Variants in PCBP3 observed in about 807,000 individuals in gnomAD.
PCBP3 encodes the protein poly(rC)-binding protein 3.
In PCBP3, 25 loss-of-function variants were observed where a neutral mutation model predicts 52.7. The ratio of observed to expected loss-of-function variants is 0.47; its 90% CI spans 0.35 to 0.66. The LOEUF (loss-of-function observed/expected upper bound fraction) is 0.66. Among genes scored for constraint, PCBP3 ranks in the 30% least tolerant of loss-of-function variants. PCBP3 has a pLI of 0.01. For synonymous variants in PCBP3, 162 were observed against 183.0 expected, an observed-to-expected ratio of 0.89 and a Z score of 0.93; for missense variants, 391 against 490.3, an observed-to-expected ratio of 0.80 and a Z score of 1.91.
Position 45,800,796 on chromosome 21 carries a change from C to A in PCBP3, c.-126+45344C>A, listed in dbSNP as rs1301242404. Reference sequence around the variant, plus strand: ...ACCTCGTTTGTGTGGCCCTGGTGCCCAATGACTGACTTTCCTTCTGCTCCC... The same window carrying A: ...ACCTCGTTTGTGTGGCCCTGGTGCCAAATGACTGACTTTCCTTCTGCTCCC... On this transcript the variant is annotated intron_variant, in intron 4 of 17. Coordinates refer to ENST00000681687, the MANE Select transcript of PCBP3 (RefSeq NM_001384156.1). The surrounding 1 kb of genome is among the most constrained non-coding windows in gnomAD (Gnocchi z 5.3). Among the ~76,000 whole-genome samples, 2 of 152,178 alleles carry A rather than the reference C, an allele frequency of 1.3e-5. No homozygotes were observed. Among genetic ancestry groups the A allele is most frequent in the Non-Finnish European group, 2.9e-5 (2 of 68,038 alleles).
intron 5 of PCBP3, among the ~76,000 whole-genome samples, chr21:45,888,418 G>A (rs911614750): frequency 3.3e-5 from 5 of 152,206 alleles, no homozygotes; most frequent in East Asian, 1.9e-4. Context: ...GGTGGGAACC[G>A]GGGCTAGAGC....
At chr21:45,666,733 T>G (rs79580661) in intron 1 of PCBP3, among the ~76,000 whole-genome samples, 12 of 145,622 alleles carry the variant, frequency 8.2e-5, no homozygotes, top group Non-Finnish European at 1.8e-4. Context: ...TATTGAGAAT[T>G]TTTTTTTTTT....
Position 45,853,417 on chromosome 21 carries a change from C to T in PCBP3, c.10+3322C>T, listed in dbSNP as rs2094130968. Among the ~76,000 whole-genome samples the T allele has an allele frequency of 6.6e-6, 1 of 152,158 alleles. No homozygotes were observed. Among genetic ancestry groups the T allele is most frequent in the African/African-American group, 2.4e-5 (1 of 41,424 alleles). On this transcript the variant is annotated intron_variant, in intron 5 of 17. Transcript: ENST00000681687. The surrounding 1 kb of genome is among the most constrained non-coding windows in gnomAD (Gnocchi z 4.6). ...AAAATAATTGGACAAAACACACAAA[C>T]AAAGCAAGGAAAGAATGAAGCAGTG...
intron 4 of PCBP3, among the ~76,000 whole-genome samples, chr21:45,815,118 AGTGG>A (rs2092855825): frequency 1.4e-5 from 1 of 69,584 alleles, no homozygotes; most frequent in African/African-American, 6.3e-5. Flanking sequence ...GTGGTGAGTG[AGTGG>A]TGAGTGGTGA....
At chr21:45,790,519 A>G (rs2091468833) in intron 4 of PCBP3, among the ~76,000 whole-genome samples, 1 of 152,096 alleles carries the variant, frequency 6.6e-6, no homozygotes, top group Admixed American at 6.5e-5. Flanking sequence ...ATGATGTTTT[A>G]TGCCGGAAAT....
At chr21:45,739,045 T>A (rs2086138937) in intron 3 of PCBP3, among the ~76,000 whole-genome samples, 1 of 82,184 alleles carries the variant, frequency 1.2e-5, no homozygotes, top group Non-Finnish European at 2.3e-5. Context: ...AGCCCACCCC[T>A]TCCTGTCCAC....
chr21:45,665,716 A>G (rs1422092300), intron 1 of PCBP3, among the ~76,000 whole-genome samples: 1 of 152,174 alleles, frequency 6.6e-6, no homozygotes, highest in Non-Finnish European at 1.5e-5. Flanking sequence ...TACTAATCCT[A>G]CTGAAACTAT....
chr21:45,845,446 CGT>C (rs1047065069), intron 4 of PCBP3, among the ~76,000 whole-genome samples: 6 of 150,552 alleles, frequency 4.0e-5, no homozygotes, highest in African/African-American at 1.5e-4. Flanking sequence ...TGTGTCCACA[CGT>C]GTGAGTGTGT....
intron 2 of PCBP3, among the ~76,000 whole-genome samples, chr21:45,725,625 C>G (rs1447796947): frequency 6.6e-6 from 1 of 152,174 alleles, no homozygotes; most frequent in Non-Finnish European, 1.5e-5. Context: ...TTCTTACCAC[C>G]ATGGAGCTTA....
intron 5 of PCBP3, among the ~76,000 whole-genome samples, chr21:45,856,151 G>A (rs1422078561): frequency 1.3e-5 from 2 of 152,150 alleles, no homozygotes; most frequent in Non-Finnish European, 2.9e-5. Flanking sequence ...TCCCCTTCCA[G>A]ACCCTCCCAA....
chr21:45,828,343 C>G (rs1461888492), intron 4 of PCBP3: 1 of 152,226 alleles, frequency 6.6e-6, no homozygotes, highest in Non-Finnish European at 1.5e-5. Context: ...GCTTAATGCC[C>G]AGACTCTTAA....
At chr21:45,714,945 T>G (rs2084109300) in intron 2 of PCBP3, among the ~76,000 whole-genome samples, 1 of 152,218 alleles carries the variant, frequency 6.6e-6, no homozygotes. Context: ...CTATGGTGTT[T>G]GTAAGAGCAA....
In PCBP3 at chr21:45,928,588, A is replaced by G. The variant is rs2075784845; in HGVS notation, c.718-1329A>G. Among the ~76,000 whole-genome samples, 1 of 152,112 alleles carries G rather than the reference A, an allele frequency of 6.6e-6. No homozygotes were observed. ...TGTGCTCCCTGGTGTCAGGGAACCC[A>G]GGTGCCAGGGGTGGCCAGGGCAAGC... is the stretch of plus-strand genomic sequence containing the variant. On this transcript the variant is annotated intron_variant, in intron 13 of 17. Transcript: ENST00000681687. This position sits in a 1 kb window ranked among gnomAD's most constrained non-coding sequence, Gnocchi z 4.1.
intron 3 of PCBP3, among the ~76,000 whole-genome samples, chr21:45,747,220 T>C (rs2146222471): frequency 6.6e-6 from 1 of 152,318 alleles, no homozygotes; most frequent in Middle Eastern, 3.4e-3. Context: ...AAACCATCAG[T>C]CTGGTGAGAT....
chr21:45,891,249 A>G (rs1365726605), intron 5 of PCBP3, among the ~76,000 whole-genome samples: 1 of 152,242 alleles, frequency 6.6e-6, no homozygotes, highest in South Asian at 2.1e-4. Flanking sequence ...TTGTGCTCCT[A>G]GGTGGTACCT....
At chr21:45,661,792 T>C (rs2080406869) in intron 1 of PCBP3, among the ~76,000 whole-genome samples, 1 of 152,236 alleles carries the variant, frequency 6.6e-6, no homozygotes, top group Non-Finnish European at 1.5e-5. Flanking sequence ...CTCTGCATAC[T>C]TGCCAACATC....
At chr21:45,654,040 T>A (rs1765155062) in intron 1 of PCBP3, among the ~76,000 whole-genome samples, 1 of 152,186 alleles carries the variant, frequency 6.6e-6, no homozygotes, top group Admixed American at 6.5e-5. Flanking sequence ...TCATATGTGC[T>A]TATTATTATG....
chr21:45,873,579 C>A (rs1453565148), intron 5 of PCBP3, among the ~76,000 whole-genome samples: 1 of 152,134 alleles, frequency 6.6e-6, no homozygotes, highest in Non-Finnish European at 1.5e-5. Context: ...GTTTATGCTT[C>A]CCCTTGAGAC....
Position 45,889,706 on chromosome 21 carries a change from C to T in PCBP3, c.11-6502C>T, listed in dbSNP as rs368175441. Among the ~76,000 whole-genome samples the T allele has an allele frequency of 3.0e-3, 460 of 152,316 alleles. 1 individual carries two copies. The highest frequency in any genetic ancestry group is 0.01 in the African/African-American group (425 of 41,580). On this transcript the variant is annotated intron_variant, in intron 5 of 17. Coordinates refer to ENST00000681687, the MANE Select transcript of PCBP3 (RefSeq NM_001384156.1). ...AGTCTCCCTGCCATGGCTCTTGTGG[C>T]AGTACATTGCGGTGGCTACAGATGT...
Sources: allele counts gnomAD v4.1 joint callset (sites outside exome capture counted in the v4.1 genomes callset), GRCh38; gene constraint gnomAD v4.1.1; non-coding constraint Gnocchi (gnomAD v3.1); transcripts MANE v1.5; gene names NCBI Gene and HGNC (gene_info 2026-07-23, HGNC 2026-07-21).